The following SLC12A9 variants were observed in gnomAD, a reference collection of about 807,000 sequenced individuals.
SLC12A9 encodes the protein solute carrier family 12 member 9.
In SLC12A9, 55 loss-of-function variants were observed where a neutral mutation model predicts 66.0. That is an observed-to-expected ratio of 0.83 (90% confidence interval 0.67 to 1.04). SLC12A9 has a LOEUF of 1.04. Ranked by LOEUF, SLC12A9 falls within the 50% of genes least tolerant of loss-of-function variation. SLC12A9 has a pLI of 0.00. For missense variants in SLC12A9, 1,061 were observed against 1,241.9 expected (o/e 0.85, Z 2.19); for synonymous variants, 577 against 569.0 (o/e 1.01, Z -0.20).
At chr7:100,865,045 C>A (rs1814988908) in intron 13 of SLC12A9, among the ~76,000 whole-genome samples, 1 of 152,044 alleles carries the variant, frequency 6.6e-6, no homozygotes, top group Non-Finnish European at 1.5e-5. Flanking sequence ...ACAACCACCA[C>A]CTTCCGGGTT....
At position 100,866,173 on chromosome 7, in the gene SLC12A9, C is replaced by T; in HGVS notation, c.2313C>T (p.Cys771=). The change falls in exon 14 of 14, where the codon TGC becomes TGT. Residue 771 remains cysteine, a synonymous_variant. Transcript: ENST00000354161. The surrounding 1 kb of genome is among the most constrained non-coding windows in gnomAD (Gnocchi z 7.3). ...WHSARLRIFL[C]LGPREAPGAA... ...GCGCCCGGCTCCGGATCTTCCTGTG[C>T]CTGGGGCCTCGGGAGGCGCCTGGGG... is the stretch of plus-strand genomic sequence containing the variant. 1 of 1,612,528 alleles carries T rather than the reference C, an allele frequency of 6.2e-7. No homozygotes were observed. The highest frequency in any genetic ancestry group is 8.5e-7 in the Non-Finnish European group (1 of 1,179,696).
At position 100,860,024 on chromosome 7, in the gene SLC12A9, G is replaced by GC. The variant is rs778088707; in HGVS notation, c.1120dup (p.Arg374ProfsTer3). Reference sequence around the variant, plus strand: ...TGCCTCCCGCATCCTCCATGCCCTGGCCCGGGATGACCTCTTTGGTGGGTT... The same window carrying GC: ...TGCCTCCCGCATCCTCCATGCCCTGGCCCCGGGATGACCTCTTTGGTGGGTT... On this transcript the variant is annotated frameshift_variant, in exon 8 of 14. Transcript: ENST00000354161. LOFTEE classifies it high-confidence loss of function. The GC allele has an allele frequency of 6.2e-7, 1 of 1,614,010 alleles. No homozygotes were observed. The highest frequency in any genetic ancestry group is 8.5e-7 in the Non-Finnish European group (1 of 1,179,932).
intron 1 of SLC12A9, among the ~76,000 whole-genome samples, chr7:100,841,370 CT>C (rs1813788095): frequency 6.7e-6 from 1 of 149,794 alleles, no homozygotes; most frequent in African/African-American, 2.5e-5. Flanking sequence ...TAAAATATAC[CT>C]TTGGTAAGGA....
intron 1 of SLC12A9, among the ~76,000 whole-genome samples, chr7:100,830,702 G>A (rs961415222): frequency 9.2e-5 from 14 of 151,868 alleles, no homozygotes; most frequent in Admixed American, 2.0e-4. Context: ...TGTAAAACAT[G>A]GTTCCTGGCC....
intron 1 of SLC12A9, among the ~76,000 whole-genome samples, chr7:100,845,586 T>C (rs1256057871): frequency 6.6e-6 from 1 of 152,140 alleles, no homozygotes; most frequent in Non-Finnish European, 1.5e-5. Context: ...CCTGCCCTTG[T>C]GATCCACCCG....
At chr7:100,841,943 T>C (rs1813799709) in intron 1 of SLC12A9, among the ~76,000 whole-genome samples, 1 of 152,096 alleles carries the variant, frequency 6.6e-6, no homozygotes, top group African/African-American at 2.4e-5. Flanking sequence ...CCTTCCACTT[T>C]CCTTTCTCTC....
In SLC12A9 at chr7:100,866,519, C is replaced by G. The variant is rs1453897036; in HGVS notation, c.2659C>G (p.Leu887Val). 2 of 1,573,578 alleles carry G rather than the reference C, an allele frequency of 1.3e-6. No individual in the cohort carries two copies. The highest frequency in any genetic ancestry group is 2.7e-5 in the African/African-American group (2 of 74,302). The change falls in exon 14 of 14, where the codon CTG becomes GTG. Residue 887 changes from leucine (L) to valine (V), a missense_variant. Coordinates refer to ENST00000354161, the MANE Select transcript of SLC12A9 (RefSeq NM_020246.4). This position sits in a 1 kb window ranked among gnomAD's most constrained non-coding sequence, Gnocchi z 7.3. ...PADPARYPRY[L>V]ALLETLTRDL... The stretch of plus-strand genomic sequence containing the variant: ...CGATCCCGCCCGATACCCCCGCTAC[C>G]TGGCGCTACTGGAGACTCTAACCCG...
chr7:100,847,329 C>G lies in SLC12A9; in HGVS notation n.229-12556C>G, dbSNP rs556579998. On this transcript the variant is annotated intron_variant and non_coding_transcript_variant, in intron 1 of 1. Transcript: ENST00000461016. ...GATGCTGTTAATATTGAAGTCAAGG[C>G]ATCAGGCATACAGCAGGACTGTAGT... Among the ~76,000 whole-genome samples the G allele has an allele frequency of 3.5e-4, 54 of 152,346 alleles. No homozygotes were observed. The South Asian group carries it at 7.9e-3, about 22-fold the overall frequency.
chr7:100,857,128 G>A lies in SLC12A9; in HGVS notation c.709G>A (p.Gly237Ser). The A allele has an allele frequency of 6.2e-7, 1 of 1,614,116 alleles. No homozygotes were observed. The highest frequency in any genetic ancestry group is 8.5e-7 in the Non-Finnish European group (1 of 1,180,014). The change falls in exon 5 of 14, where the codon GGC becomes AGC. Residue 237 changes from glycine to serine, a missense_variant. Coordinates refer to ENST00000354161, the MANE Select transcript of SLC12A9 (RefSeq NM_020246.4). ...PNGSSLPPRF[G>S]HFTGFNSSTL... is the part of the protein sequence containing the mutation. The stretch of plus-strand genomic sequence containing the variant: ...TGGCTCCTCCCTGCCGCCCCGGTTT[G>A]GCCACTTCACCGGCTTCAACAGCAG...
At chr7:100,843,636 C>T (rs138572639) in intron 1 of SLC12A9, among the ~76,000 whole-genome samples, 15 of 152,324 alleles carry the variant, frequency 9.8e-5, no homozygotes, top group African/African-American at 3.6e-4. Context: ...GCAGCAATGG[C>T]CCTGTTAGCA....
intron 1 of SLC12A9, among the ~76,000 whole-genome samples, chr7:100,841,061 G>C (rs1310839792): frequency 6.6e-6 from 1 of 151,606 alleles, no homozygotes; most frequent in Non-Finnish European, 1.5e-5. Flanking sequence ...CAGTTCAGAA[G>C]TATCCTAAGG....
Position 100,861,663 on chromosome 7 carries a change from C to G in SLC12A9, c.1537-74C>G, listed in dbSNP as rs1271818817. On this transcript the variant is annotated intron_variant, in intron 11 of 13. Coordinates refer to ENST00000354161, the MANE Select transcript of SLC12A9 (RefSeq NM_020246.4). The surrounding 1 kb of genome is among the most constrained non-coding windows in gnomAD (Gnocchi z 5.3). ...TCTCTCTTTGGCTGGAGTTGGTGCT[C>G]CCGTCCAGGAGGCGCTGAACGGGGC... The G allele has an allele frequency of 3.1e-6, 5 of 1,608,502 alleles. No homozygotes were observed. Among genetic ancestry groups the G allele is most frequent in the Non-Finnish European group, 4.3e-6 (5 of 1,175,584 alleles).
In SLC12A9 at chr7:100,855,811, AGTCTGTGCTTGATGTCTTCGGGGCCG is replaced by A. The variant is rs751531281; in HGVS notation, c.432_448+9del. Reference sequence around the variant, plus strand: ...GCCGTCTCCCTCCTGGGGCTGGTGGAGTCTGTGCTTGATGTCTTCGGGGCCGGTCTGTGCTCTGTCCGATCTGGGCA... The same window carrying A: ...GCCGTCTCCCTCCTGGGGCTGGTGGAGTCTGTGCTCTGTCCGATCTGGGCA... On this transcript the variant is annotated frameshift_variant and splice_region_variant, in exon 4 of 14. Transcript: ENST00000354161. LOFTEE classifies it high-confidence loss of function. 1.9e-6 allele frequency: 3 copies of A among 1,612,190 alleles called. No individual in the cohort carries two copies. In the African/African-American group the frequency reaches 4.0e-5, roughly 22 times the overall value.
rs1296298959 is a variant in SLC12A9 at position 100,866,483 on chromosome 7, C to T, written c.2623C>T (p.Arg875Trp). The change falls in exon 14 of 14, where the codon CGG becomes TGG. Residue 875 changes from arginine to tryptophan, a missense_variant. Arg to Trp is a moderately radical substitution (Grantham distance 101). Transcript: ENST00000354161. The surrounding 1 kb of genome is among the most constrained non-coding windows in gnomAD (Gnocchi z 7.3). ...ITALTFLYLP[R>W]PPADPARYPR... Reference sequence around the variant, plus strand: ...AGCCCTCACCTTCCTGTACTTGCCTCGGCCGCCAGCCGATCCCGCCCGATA... The same window carrying T: ...AGCCCTCACCTTCCTGTACTTGCCTTGGCCGCCAGCCGATCCCGCCCGATA... The T allele has an allele frequency of 6.4e-6, 10 of 1,552,826 alleles. No homozygotes were observed. The highest frequency in any genetic ancestry group is 2.4e-5 in the East Asian group (1 of 41,334).
At chr7:100,827,115 G>T in intron 1 of SLC12A9, 1 of 1,427,208 alleles carries the variant, frequency 7.0e-7, no homozygotes, top group South Asian at 1.3e-5. Flanking sequence ...GCGGGTGGAC[G>T]CCGATACTCC....
chr7:100,828,700 C>G (rs1259545513), intron 1 of SLC12A9, among the ~76,000 whole-genome samples: 1 of 151,994 alleles, frequency 6.6e-6, no homozygotes, highest in Non-Finnish European at 1.5e-5. Context: ...GCTGGGGCTG[C>G]GGCTGCGGCT....
At chr7:100,830,804 G>A (rs1010903944) in intron 1 of SLC12A9, among the ~76,000 whole-genome samples, 2 of 151,712 alleles carry the variant, frequency 1.3e-5, no homozygotes. Context: ...TCCCCTTTAC[G>A]TGGAGATGGC....
chr7:100,857,053 G>C lies in SLC12A9; in HGVS notation c.634G>C (p.Val212Leu), dbSNP rs759045268. ...CCTGGCCTCTGTGCTCATCAGTTTT[G>C]TGGCTGTGGGGCCGAGGGACATCCG... ...GSLASVLISF[V>L]AVGPRDIRLT... The change falls in exon 5 of 14, where the codon GTG (valine) becomes CTG (leucine). Residue 212 changes from valine to leucine, a missense_variant. Coordinates refer to ENST00000354161, the MANE Select transcript of SLC12A9 (RefSeq NM_020246.4). 22 of 1,614,084 alleles carry C rather than the reference G, an allele frequency of 1.4e-5. No individual in the cohort carries two copies. In the Admixed American group the frequency reaches 3.7e-4, roughly 27 times the overall value.
intron 1 of SLC12A9, among the ~76,000 whole-genome samples, chr7:100,844,284 C>A (rs1476209794): frequency 6.6e-6 from 1 of 152,066 alleles, no homozygotes; most frequent in Non-Finnish European, 1.5e-5. Flanking sequence ...GTATGTAGCC[C>A]AGGAAATGAC....
Sources: allele counts gnomAD v4.1 joint callset (sites outside exome capture counted in the v4.1 genomes callset), GRCh38; gene constraint gnomAD v4.1.1; non-coding constraint Gnocchi (gnomAD v3.1); transcripts MANE v1.5; gene names NCBI Gene and HGNC (gene_info 2026-07-23, HGNC 2026-07-21).